The following DYNC2H1 variants were observed in gnomAD, a reference collection of about 807,000 sequenced individuals.
DYNC2H1 encodes dynein cytoplasmic 2 heavy chain 1.
In DYNC2H1, 410 loss-of-function variants were observed where a neutral mutation model predicts 570.0. The ratio of observed to expected loss-of-function variants is 0.72; its 90% CI spans 0.66 to 0.78. DYNC2H1 has a LOEUF of 0.78. Among genes scored for constraint, DYNC2H1 ranks in the 30% least tolerant of loss-of-function variants. The pLI, the probability that DYNC2H1 is intolerant of heterozygous loss-of-function variation, is 0.00. For synonymous variants in DYNC2H1, 1,688 were observed against 1,677.6 expected (o/e 1.01, Z -0.15); for missense variants, 4,865 against 5,046.4 (o/e 0.96, Z 1.09).
intron 82 of DYNC2H1, among the ~76,000 whole-genome samples, chr11:103,354,176 C>CAAAAAAAAAA (rs1491521917): frequency 2.0e-5 from 1 of 50,904 alleles, no homozygotes; most frequent in East Asian, 5.4e-4. Flanking sequence ...GGCTCTGTCT[C>CAAAAAAAAAA]AAAACAAAAA....
At position 103,465,255 on chromosome 11, in the gene DYNC2H1, T is replaced by A. The variant is rs1945158783; in HGVS notation, c.12649-3334T>A. 1.3e-5 allele frequency among the ~76,000 whole-genome samples: 2 copies of A among 152,180 alleles called. No individual in the cohort carries two copies. The highest frequency in any genetic ancestry group is 4.8e-5 in the African/African-American group (2 of 41,454). On this transcript the variant is annotated intron_variant, in intron 87 of 88. Coordinates refer to ENST00000375735, the MANE Select transcript of DYNC2H1 (RefSeq NM_001377.3). This position sits in a 1 kb window ranked among gnomAD's most constrained non-coding sequence, Gnocchi z 4.9. ...AGACTGGGGAAAAAATAAAATCCAGTTAAATGTTACTTAAAGATATACATT... is the reference window on the plus strand; with the variant it reads ...AGACTGGGGAAAAAATAAAATCCAGATAAATGTTACTTAAAGATATACATT...
At chr11:103,126,017 T>A (rs1014694600) in intron 12 of DYNC2H1, among the ~76,000 whole-genome samples, 4 of 152,220 alleles carry the variant, frequency 2.6e-5, no homozygotes, top group African/African-American at 9.6e-5. Context: ...TGAAAATCAC[T>A]GTTATAATAC....
chr11:103,409,810 A>G (rs1943008583), intron 84 of DYNC2H1, among the ~76,000 whole-genome samples: 3 of 124,192 alleles, frequency 2.4e-5, no homozygotes, highest in Non-Finnish European at 4.8e-5. Flanking sequence ...GGACTTGGCT[A>G]TGGGTCTCTG....
At position 103,381,200 on chromosome 11, in the gene DYNC2H1, G is replaced by A. The variant is rs577724146; in HGVS notation, c.12157-18463G>A. Reference sequence around the variant, plus strand: ...GGGTGGGGACTTTAGTATTGTGGCAGTGTGAATATAAAGTAAGAAGAGTCA... The same window carrying A: ...GGGTGGGGACTTTAGTATTGTGGCAATGTGAATATAAAGTAAGAAGAGTCA... On this transcript the variant is annotated intron_variant, in intron 83 of 88. Transcript: ENST00000375735. Among the ~76,000 whole-genome samples, 7 of 152,304 alleles carry A rather than the reference G, an allele frequency of 4.6e-5. No individual in the cohort carries two copies. In the South Asian group the frequency reaches 1.2e-3, roughly 27 times the overall value.
Position 103,277,772 on chromosome 11 carries a change from A to G in DYNC2H1, c.10696-2576A>G, listed in dbSNP as rs905354535. ...TTGTTTAGGGACTCCCTGTCAGTCC[A>G]TTGTTAAAATTTATGCCTTAAGTCT... On this transcript the variant is annotated intron_variant, in intron 70 of 88. Coordinates refer to ENST00000375735, the MANE Select transcript of DYNC2H1 (RefSeq NM_001377.3). This position sits in a 1 kb window ranked among gnomAD's most constrained non-coding sequence, Gnocchi z 4.3. Among the ~76,000 whole-genome samples, 11 of 152,276 alleles carry G rather than the reference A, an allele frequency of 7.2e-5. No homozygotes were observed. Among genetic ancestry groups the G allele is most frequent in the African/African-American group, 2.2e-4 (9 of 41,556 alleles).
At chr11:103,153,604 T>C (rs980759046) in intron 22 of DYNC2H1, 96 bp downstream of exon 22, 1 of 1,111,716 alleles carries the variant, frequency 9.0e-7, no homozygotes, top group African/African-American at 1.6e-5. Context: ...TTGATAACTT[T>C]CCTCATAAAC....
At position 103,326,375 on chromosome 11, in the gene DYNC2H1, C is replaced by G. The variant is rs1392615489; in HGVS notation, c.12039+2385C>G. On this transcript the variant is annotated intron_variant, in intron 82 of 88. Coordinates refer to ENST00000375735, the MANE Select transcript of DYNC2H1 (RefSeq NM_001377.3). The surrounding 1 kb of genome is among the most constrained non-coding windows in gnomAD (Gnocchi z 6.1). ...TGGGCTCCCTCTGACAGGCTGCATC[C>G]GGGAGATAGGCCGGCCATACGCTTT... Among the ~76,000 whole-genome samples the G allele has an allele frequency of 1.3e-5, 2 of 152,104 alleles. No individual in the cohort carries two copies. The highest frequency in any genetic ancestry group is 2.4e-5 in the African/African-American group (1 of 41,414).
In DYNC2H1 at chr11:103,135,744, C is replaced by T. The variant is rs188267976; in HGVS notation, c.2370C>T (p.Pro790=). Residue 790 remains proline, a synonymous_variant, in exon 17 of 89, where the codon CCC becomes CCT. Transcript: ENST00000375735. ...TYKQGRLQFR[P]PFEEIRAKYY... ...GACAGGGACGATTACAATTCAGGCCCCCTTTTGAAGAAATCCGGGCTAAAT... is the reference window on the plus strand; with the variant it reads ...GACAGGGACGATTACAATTCAGGCCTCCTTTTGAAGAAATCCGGGCTAAAT... 1.7e-5 allele frequency: 28 copies of T among 1,609,166 alleles called. No individual in the cohort carries two copies. The highest frequency in any genetic ancestry group is 1.7e-4 in the Admixed American group (10 of 59,738).
chr11:103,230,133 C>A (rs1863950513), intron 59 of DYNC2H1, among the ~76,000 whole-genome samples: 2 of 152,150 alleles, frequency 1.3e-5, no homozygotes, highest in South Asian at 4.1e-4. Context: ...GTACTCTCCT[C>A]TAGAGTTCAG....
At chr11:103,190,960 CT>C (rs10707668) in intron 45 of DYNC2H1, among the ~76,000 whole-genome samples, 14,035 of 110,400 alleles carry the variant, frequency 0.13, 673 homozygotes, top group East Asian at 0.25. Context: ...GCTTTTTAGC[CT>C]TTTTTTTTTT....
At chr11:103,390,927 C>A (rs189725400) in intron 83 of DYNC2H1, among the ~76,000 whole-genome samples, 60 of 152,194 alleles carry the variant, frequency 3.9e-4, no homozygotes, top group African/African-American at 9.6e-4. Context: ...GCTGCCCTTA[C>A]CATTTTTTCC....
Position 103,435,973 on chromosome 11 carries a change from G to T in DYNC2H1, c.12397G>T (p.Gly4133Cys). The T allele has an allele frequency of 6.2e-7, 1 of 1,612,672 alleles. No homozygotes were observed. The highest frequency in any genetic ancestry group is 8.5e-7 in the Non-Finnish European group (1 of 1,179,110). Reference protein sequence around the residue: ...CPLAWQSKWEGPEDPLQYLRG... With the variant: ...CPLAWQSKWECPEDPLQYLRG... ...TCTCGCATGGCAGAGCAAGTGGGAA[G>T]GCCCAGAAGATCCCTTACAATACCT... is the stretch of plus-strand genomic sequence containing the variant. Residue 4133 changes from glycine (G) to cysteine (C), a missense_variant, in exon 85 of 89, where the codon GGC (glycine) becomes TGC (cysteine). By Grantham distance (159) the Gly-to-Cys change is radical. Transcript: ENST00000375735.
intron 84 of DYNC2H1, chr11:103,407,498 C>G (rs2135674132): frequency 6.6e-6 from 1 of 151,882 alleles, no homozygotes; most frequent in African/African-American, 2.4e-5. Context: ...ATGCAGAATG[C>G]TAGCGTAAGT....
chr11:103,312,062 C>T (rs1447363315), intron 79 of DYNC2H1, 29 bp downstream of exon 79: 2 of 1,580,136 alleles, frequency 1.3e-6, no homozygotes, highest in East Asian at 4.6e-5. Flanking sequence ...TGAATACATT[C>T]TAAGCTTTAT....
chr11:103,276,262 C>T (rs1012050936), intron 70 of DYNC2H1, among the ~76,000 whole-genome samples: 1 of 151,926 alleles, frequency 6.6e-6, no homozygotes, highest in African/African-American at 2.4e-5. Context: ...GTGTGATTTT[C>T]TTGTAGGCAA....
chr11:103,384,979 C>T (rs1385121156), intron 83 of DYNC2H1, among the ~76,000 whole-genome samples: 1 of 152,086 alleles, frequency 6.6e-6, no homozygotes, highest in African/African-American at 2.4e-5. Flanking sequence ...TCTAATGTCT[C>T]ATTATACTGA....
At chr11:103,468,523 ATAGAG>A (rs1163089182) in intron 87 of DYNC2H1, 61 bp from the exon 88 acceptor site, 2 of 1,100,136 alleles carry the variant, frequency 1.8e-6, no homozygotes, top group African/African-American at 3.1e-5. Context: ...TTAAGGTAGA[ATAGAG>A]TAACCTCTGA....
Position 103,209,709 on chromosome 11 carries a change from C to A in DYNC2H1, c.8455-167C>A, listed in dbSNP as rs1275146366. On this transcript the variant is annotated intron_variant, in intron 52 of 88. Coordinates refer to ENST00000375735, the MANE Select transcript of DYNC2H1 (RefSeq NM_001377.3). The surrounding 1 kb of genome is among the most constrained non-coding windows in gnomAD (Gnocchi z 4.2). ...TGGTTGATGTGTGTCAAAATGTTGT[C>A]TTGGAAATCATTTCTTCTAAAGATT... is the stretch of plus-strand genomic sequence containing the variant. Among the ~76,000 whole-genome samples, 1 of 151,908 alleles carries A rather than the reference C, an allele frequency of 6.6e-6. No homozygotes were observed. The highest frequency in any genetic ancestry group is 1.5e-5 in the Non-Finnish European group (1 of 67,878).
intron 85 of DYNC2H1, among the ~76,000 whole-genome samples, chr11:103,444,101 T>G (rs76080156): frequency 0.027 from 4,152 of 151,714 alleles, 126 homozygotes; most frequent in African/African-American, 0.069. Flanking sequence ...AGTTAAATTT[T>G]TATTAATATT....
Sources: allele counts gnomAD v4.1 joint callset (sites outside exome capture counted in the v4.1 genomes callset), GRCh38; gene constraint gnomAD v4.1.1; non-coding constraint Gnocchi (gnomAD v3.1); transcripts MANE v1.5; gene names NCBI Gene and HGNC (gene_info 2026-07-23, HGNC 2026-07-21).